Variants in MAPKAP1 observed in about 807,000 individuals in gnomAD.
The protein encoded by MAPKAP1 is target of rapamycin complex 2 subunit MAPKAP1.
A neutral mutation model predicts 65.7 loss-of-function variants in MAPKAP1; 20 were observed. The observed-to-expected ratio is 0.30, with a 90% CI of 0.21 to 0.44. The LOEUF (loss-of-function observed/expected upper bound fraction) is 0.44, where lower values mean the gene tolerates loss of function less well. Among genes scored for constraint, MAPKAP1 ranks in the 20% least tolerant of loss-of-function variants. The probability of loss-of-function intolerance (pLI) is 1.00; values close to 1 mark genes in which losing one functional copy is unlikely to be tolerated. For synonymous variants in MAPKAP1, 222 were observed against 244.3 expected, an observed-to-expected ratio of 0.91 and a Z score of 0.85; for missense variants, 423 against 648.0, an observed-to-expected ratio of 0.65 and a Z score of 3.77.
intron 6 of MAPKAP1, among the ~76,000 whole-genome samples, chr9:125,545,180 C>A (rs1830387249): frequency 6.6e-6 from 1 of 152,118 alleles, no homozygotes; most frequent in Non-Finnish European, 1.5e-5. Context: ...TGGACCGCAT[C>A]CCAGAACAAT....
At chr9:125,641,210 C>T (rs577517617) in intron 4 of MAPKAP1, among the ~76,000 whole-genome samples, 1 of 152,230 alleles carries the variant, frequency 6.6e-6, no homozygotes, top group South Asian at 2.1e-4. Flanking sequence ...GTTCTCATTT[C>T]CCCTCCTTCC....
intron 1 of MAPKAP1, among the ~76,000 whole-genome samples, chr9:125,705,090 GCA>G (rs1835717218): frequency 6.6e-6 from 1 of 152,152 alleles, no homozygotes; most frequent in Non-Finnish European, 1.5e-5. Context: ...CCTTGGAAGA[GCA>G]CAGTCTTTAC....
At chr9:125,627,147 T>C (rs997483159) in intron 4 of MAPKAP1, among the ~76,000 whole-genome samples, 4 of 152,190 alleles carry the variant, frequency 2.6e-5, no homozygotes, top group East Asian at 1.9e-4. Flanking sequence ...TTCTGTGAAA[T>C]TGTCATCAAT....
Position 125,468,032 on chromosome 9 carries a change from G to A in MAPKAP1, c.1285C>T (p.Pro429Ser). 6.8e-6 allele frequency: 11 copies of A among 1,614,204 alleles called. No homozygotes were observed. The highest frequency in any genetic ancestry group is 9.3e-6 in the Non-Finnish European group (11 of 1,180,030). Residue 429 changes from proline to serine, a missense_variant, in exon 10 of 12, where the codon CCC (proline) becomes TCC (serine). By Grantham distance (74) the Pro-to-Ser change is moderately conservative. Coordinates refer to ENST00000265960, the MANE Select transcript of MAPKAP1 (RefSeq NM_001006617.3). ...AGCAGGTCGGAATCGATTGAGATGG[G>A]TTTCTGCTTAATCCAAAACTTAGTG... ...ASTKFWIKQK[P>S]ISIDSDLLCA...
chr9:125,501,879 T>C (rs190706637), intron 8 of MAPKAP1, among the ~76,000 whole-genome samples: 1 of 152,290 alleles, frequency 6.6e-6, no homozygotes, highest in Non-Finnish European at 1.5e-5. Context: ...TCATTCCTAC[T>C]ACTATCTGTG....
chr9:125,688,592 G>T (rs1033427132), intron 1 of MAPKAP1, among the ~76,000 whole-genome samples: 1 of 152,112 alleles, frequency 6.6e-6, no homozygotes, highest in Non-Finnish European at 1.5e-5. Context: ...CAGACATGGT[G>T]GCTCATGCCT....
intron 3 of MAPKAP1, among the ~76,000 whole-genome samples, chr9:125,667,246 C>T (rs1275890149): frequency 1.3e-5 from 2 of 152,152 alleles, no homozygotes; most frequent in Admixed American, 6.5e-5. Flanking sequence ...TTAGATGTAT[C>T]AAAATTTAAG....
chr9:125,560,211 C>G (rs541600443), intron 5 of MAPKAP1, among the ~76,000 whole-genome samples: 4 of 152,214 alleles, frequency 2.6e-5, no homozygotes, highest in South Asian at 4.1e-4. Flanking sequence ...AAAACAGATA[C>G]AAACAAAACT....
Position 125,672,428 on chromosome 9 carries a change from G to C in MAPKAP1, c.147C>G (p.Asp49Glu), listed in dbSNP as rs774794889. 2.5e-6 allele frequency: 4 copies of C among 1,614,132 alleles called. No individual in the cohort carries two copies. The highest frequency in any genetic ancestry group is 3.4e-6 in the Non-Finnish European group (4 of 1,180,030). The change falls in exon 2 of 12, where the codon GAC (aspartate) becomes GAG (glutamate). Residue 49 changes from aspartate to glutamate, a missense_variant. Coordinates refer to ENST00000265960, the MANE Select transcript of MAPKAP1 (RefSeq NM_001006617.3). ...EKIHPPSMPG[D>E]SGSEIQGSNG... ...TGCTTCCCTGAATTTCTGACCCACTGTCTCCAGGCATTGAAGGAGGATGAA... is the reference window on the plus strand; with the variant it reads ...TGCTTCCCTGAATTTCTGACCCACTCTCTCCAGGCATTGAAGGAGGATGAA...
At chr9:125,643,002 C>T (rs879413143) in intron 4 of MAPKAP1, among the ~76,000 whole-genome samples, 5 of 151,608 alleles carry the variant, frequency 3.3e-5, no homozygotes, top group Non-Finnish European at 5.9e-5. Context: ...CAGGTTCAAG[C>T]GATTCTCCTG....
At position 125,642,904 on chromosome 9, in the gene MAPKAP1, C is replaced by CT. The variant is rs570881854; in HGVS notation, c.498+14746dup. 2.5e-3 allele frequency among the ~76,000 whole-genome samples: 376 copies of CT among 149,188 alleles called. 1 individual carries two copies. Among genetic ancestry groups the CT allele is most frequent in the Admixed American group, 5.0e-3 (75 of 14,934 alleles). ...TTTAACAAAAATATAATATATATGC[C>CT]TTTTTTTTTTCTTGTGATGGAGTCT... On this transcript the variant is annotated intron_variant, in intron 4 of 11. Coordinates refer to ENST00000265960, the MANE Select transcript of MAPKAP1 (RefSeq NM_001006617.3).
intron 9 of MAPKAP1, among the ~76,000 whole-genome samples, chr9:125,470,606 T>A (rs1853873130): frequency 6.6e-6 from 1 of 152,260 alleles, no homozygotes; most frequent in Non-Finnish European, 1.5e-5. Flanking sequence ...TTACCAGCAG[T>A]ATCTCTGCAT....
intron 5 of MAPKAP1, among the ~76,000 whole-genome samples, chr9:125,583,347 T>G (rs558312272): frequency 2.1e-4 from 32 of 152,328 alleles, no homozygotes; most frequent in African/African-American, 4.3e-4. Context: ...TGGGGTTAGA[T>G]CTCCTTGTAA....
chr9:125,478,667 C>T (rs1854195643), intron 9 of MAPKAP1, among the ~76,000 whole-genome samples: 1 of 152,126 alleles, frequency 6.6e-6, no homozygotes, highest in South Asian at 2.1e-4. Context: ...GGATTGGCAC[C>T]TGTGGTATGA....
In MAPKAP1 at chr9:125,669,736, G is replaced by A. The variant is rs578067090; in HGVS notation, c.349+82C>T. Reference sequence around the variant, plus strand: ...GTATCTAAGTCCAGAGGATTTAAAAGGATGAATTAAAAATAAAAGTTCTTA... The same window carrying A: ...GTATCTAAGTCCAGAGGATTTAAAAAGATGAATTAAAAATAAAAGTTCTTA... On this transcript the variant is annotated intron_variant, in intron 3 of 11. Coordinates refer to ENST00000265960, the MANE Select transcript of MAPKAP1 (RefSeq NM_001006617.3). 1.2e-5 allele frequency: 8 copies of A among 668,298 alleles called. No homozygotes were observed. The African/African-American group carries it at 1.3e-4, about 11-fold the overall frequency. 41.4% of individuals were successfully genotyped at this position (668,298 alleles called of 1,614,324 possible).
At chr9:125,663,661 TA>T (rs1834254077) in intron 3 of MAPKAP1, among the ~76,000 whole-genome samples, 1 of 152,022 alleles carries the variant, frequency 6.6e-6, no homozygotes, top group Non-Finnish European at 1.5e-5. Flanking sequence ...ACCAGAGAAG[TA>T]GAAAAAGTTG....
At chr9:125,650,052 C>G (rs1304502150) in intron 4 of MAPKAP1, among the ~76,000 whole-genome samples, 1 of 152,140 alleles carries the variant, frequency 6.6e-6, no homozygotes, top group Admixed American at 6.5e-5. Flanking sequence ...TTCAAACCCC[C>G]TTCTAACCCT....
chr9:125,493,121 A>C (rs1351822075), intron 8 of MAPKAP1, among the ~76,000 whole-genome samples: 2 of 152,218 alleles, frequency 1.3e-5, no homozygotes, highest in Non-Finnish European at 2.9e-5. Context: ...TCAAAAGTGG[A>C]GCAGTATCTA....
At chr9:125,522,346 C>A (rs62570202) in intron 7 of MAPKAP1, among the ~76,000 whole-genome samples, 1 of 152,212 alleles carries the variant, frequency 6.6e-6, no homozygotes, top group South Asian at 2.1e-4. Context: ...GACGACACTA[C>A]GATTCACCCA....
Sources: gnomAD v4.1 joint callset for allele counts (sites outside exome capture counted in the v4.1 genomes callset) on GRCh38, gnomAD v4.1.1 for gene constraint, MANE v1.5 for transcripts, NCBI Gene and HGNC (gene_info 2026-07-23, HGNC 2026-07-21) for gene names.